Variants in KCNIP1 observed in about 807,000 individuals in gnomAD.
KCNIP1 encodes the protein A-type potassium channel modulatory protein KCNIP1.
KCNIP1 carries 18 observed loss-of-function variants against 33.0 expected under a neutral mutation model. That is an observed-to-expected ratio of 0.55 (90% CI 0.38 to 0.81). The LOEUF (loss-of-function observed/expected upper bound fraction) is 0.81, where lower values mean the gene tolerates loss of function less well. Ranked by LOEUF, KCNIP1 falls within the 30% of genes least tolerant of loss-of-function variation. The probability of loss-of-function intolerance (pLI) is 0.00; values close to 1 mark genes in which losing one functional copy is unlikely to be tolerated. For missense variants in KCNIP1, 238 were observed against 271.6 expected (o/e 0.88, Z 0.87); for synonymous variants, 93 against 98.3 (o/e 0.95, Z 0.32).
At chr5:170,662,389 G>C (rs1170626574) in intron 1 of KCNIP1, among the ~76,000 whole-genome samples, 1 of 152,152 alleles carries the variant, frequency 6.6e-6, no homozygotes, top group Non-Finnish European at 1.5e-5. Context: ...CATTTCCTCT[G>C]TCTCCAGCCC....
chr5:170,563,096 G>A (rs1265467244), intron 1 of KCNIP1, among the ~76,000 whole-genome samples: 1 of 152,198 alleles, frequency 6.6e-6, no homozygotes, highest in Non-Finnish European at 1.5e-5. Flanking sequence ...CCTGCTAGGA[G>A]AGCCTAAGAA....
chr5:170,631,402 G>A (rs1400828418), intron 1 of KCNIP1, among the ~76,000 whole-genome samples: 3 of 152,116 alleles, frequency 2.0e-5, no homozygotes, highest in Non-Finnish European at 4.4e-5. Context: ...CCCAGGAAGG[G>A]GCTTCAGGAA....
At chr5:170,576,379 A>C (rs1757605407) in intron 1 of KCNIP1, among the ~76,000 whole-genome samples, 1 of 152,208 alleles carries the variant, frequency 6.6e-6, no homozygotes, top group South Asian at 2.1e-4. Flanking sequence ...CAGAGGTCAC[A>C]TAGTGTAACC....
chr5:170,614,831 T>C (rs1759304593), intron 1 of KCNIP1, among the ~76,000 whole-genome samples: 1 of 152,218 alleles, frequency 6.6e-6, no homozygotes, highest in Admixed American at 6.5e-5. Flanking sequence ...ATGTATTTGA[T>C]TCCTCCTTGA....
chr5:170,388,222 G>A (rs1756125532), intron 1 of KCNIP1, among the ~76,000 whole-genome samples: 3 of 152,204 alleles, frequency 2.0e-5, no homozygotes, highest in Non-Finnish European at 4.4e-5. Context: ...GTCTCTAATG[G>A]TCTGATGAGA....
At chr5:170,558,697 AG>A (rs1323808744) in intron 1 of KCNIP1, among the ~76,000 whole-genome samples, 1 of 152,260 alleles carries the variant, frequency 6.6e-6, no homozygotes, top group Non-Finnish European at 1.5e-5. Flanking sequence ...GTGCTGATTC[AG>A]GGAATTTAAA....
intron 5 of KCNIP1, among the ~76,000 whole-genome samples, chr5:170,730,694 A>G (rs1264699061): frequency 2.0e-5 from 3 of 152,218 alleles, no homozygotes; most frequent in African/African-American, 4.8e-5. Flanking sequence ...CAGTGAGCAT[A>G]CTAGTACCTA....
At chr5:170,495,480 C>A (rs796680648) in intron 1 of KCNIP1, among the ~76,000 whole-genome samples, 9 of 152,282 alleles carry the variant, frequency 5.9e-5, no homozygotes, top group African/African-American at 2.2e-4. Context: ...TAGAGGGGAA[C>A]CCTAGGCTGT....
At chr5:170,491,246 TG>T (rs1757199924) in intron 1 of KCNIP1, among the ~76,000 whole-genome samples, 1 of 152,096 alleles carries the variant, frequency 6.6e-6, no homozygotes, top group Admixed American at 6.5e-5. Context: ...TGAATATCAA[TG>T]GTAGATGAAT....
Position 170,402,560 on chromosome 5 carries a change from G to A in KCNIP1, c.88+48596G>A, listed in dbSNP as rs181274176. On this transcript the variant is annotated intron_variant, in intron 1 of 7. Coordinates refer to the KCNIP1 transcript ENST00000377360. ...TCCCCCTGGAGTTATCCAGCAGGTA[G>A]ACTGGGAGCAGGAGAGGCAGAGAGA... Among the ~76,000 whole-genome samples, 3 of 152,326 alleles carry A rather than the reference G, an allele frequency of 2.0e-5. No homozygotes were observed. The East Asian group carries it at 5.8e-4, about 29-fold the overall frequency.
intron 1 of KCNIP1, among the ~76,000 whole-genome samples, chr5:170,617,597 C>T (rs1350336738): frequency 6.6e-6 from 1 of 152,192 alleles, no homozygotes; most frequent in Non-Finnish European, 1.5e-5. Context: ...CTGCTCAATT[C>T]CCTAAAAGAT....
chr5:170,713,865 TAAA>T (rs568876672), intron 1 of KCNIP1, among the ~76,000 whole-genome samples: 3 of 150,524 alleles, frequency 2.0e-5, no homozygotes, highest in Non-Finnish European at 4.4e-5. Context: ...CTACTAAAAA[TAAA>T]AAAAAATTAG....
chr5:170,540,175 A>G (rs1298441556), intron 1 of KCNIP1, among the ~76,000 whole-genome samples: 3 of 152,064 alleles, frequency 2.0e-5, no homozygotes, highest in African/African-American at 7.2e-5. Context: ...ACAAAACTCA[A>G]ATGTGAGACA....
intron 1 of KCNIP1, among the ~76,000 whole-genome samples, chr5:170,528,977 C>T (rs980470994): frequency 1.3e-5 from 2 of 152,204 alleles, no homozygotes; most frequent in African/African-American, 4.8e-5. Flanking sequence ...GCCCCATAGT[C>T]TCTTTGTCAG....
At chr5:170,568,164 G>T (rs1757265289) in intron 1 of KCNIP1, among the ~76,000 whole-genome samples, 1 of 152,196 alleles carries the variant, frequency 6.6e-6, no homozygotes, top group Non-Finnish European at 1.5e-5. Context: ...TGTTGTTGTG[G>T]TTGCCATTCT....
intron 1 of KCNIP1, among the ~76,000 whole-genome samples, chr5:170,635,070 C>T (rs529865709): frequency 6.6e-6 from 1 of 152,272 alleles, no homozygotes; most frequent in Admixed American, 6.5e-5. Context: ...CGCTTTGTCA[C>T]CCAGGCTGGA....
chr5:170,700,032 C>T (rs765212518), intron 1 of KCNIP1, among the ~76,000 whole-genome samples: 3 of 152,190 alleles, frequency 2.0e-5, no homozygotes, highest in Admixed American at 6.5e-5. Flanking sequence ...ACAATGTGGT[C>T]CATGCCTGCC....
chr5:170,710,179 C>T (rs1035354619), intron 1 of KCNIP1, among the ~76,000 whole-genome samples: 2 of 152,194 alleles, frequency 1.3e-5, no homozygotes, highest in Admixed American at 6.5e-5. Flanking sequence ...TGATTTCATT[C>T]TTTTCTCTCT....
At chr5:170,474,800 G>A (rs951868042) in intron 1 of KCNIP1, among the ~76,000 whole-genome samples, 4 of 152,232 alleles carry the variant, frequency 2.6e-5, no homozygotes, top group Non-Finnish European at 5.9e-5. Flanking sequence ...AGACCTTCAC[G>A]GGGAGTGTGA....
Sources: gnomAD v4.1 joint callset for allele counts (sites outside exome capture counted in the v4.1 genomes callset) on GRCh38, gnomAD v4.1.1 for gene constraint, MANE v1.5 for transcripts, NCBI Gene and HGNC (gene_info 2026-07-23, HGNC 2026-07-21) for gene names.